MORN4: variants seen among roughly 807,000 people sequenced by gnomAD.
MORN4 encodes MORN repeat containing 4.
MORN4 carries 8 observed loss-of-function variants against 16.4 expected under a neutral mutation model. The observed-to-expected ratio is 0.49, with a 90% CI of 0.29 to 0.88. The LOEUF is 0.88. Among genes scored for constraint, MORN4 ranks in the 40% least tolerant of loss-of-function variants. MORN4 has a pLI of 0.09. For synonymous variants in MORN4, 53 were observed against 68.9 expected, an observed-to-expected ratio of 0.77 and a Z score of 1.14; for missense variants, 159 against 182.9, an observed-to-expected ratio of 0.87 and a Z score of 0.75.
intron 2 of MORN4, 177 bp downstream of exon 2, chr10:97,619,410 G>A: frequency 4.9e-6 from 3 of 616,550 alleles, no homozygotes; most frequent in East Asian, 5.5e-5. Flanking sequence ...ATTAACAATA[G>A]CATTTTCAAA....
At position 97,618,114 on chromosome 10, in the gene MORN4, GT is replaced by G. The variant is rs2041253837; in HGVS notation, c.68-793del. ...AATCGCTTGAACCTGGGAGGTGGAG[GT>G]TGCAGTGGGCCGAGATCATGCCATT... On this transcript the variant is annotated intron_variant, in intron 2 of 4. Transcript: ENST00000307450. Among the ~76,000 whole-genome samples, 7 of 152,084 alleles carry G rather than the reference GT, an allele frequency of 4.6e-5. No homozygotes were observed. In the South Asian group the frequency reaches 1.4e-3, roughly 31 times the overall value.
At chr10:97,631,887 T>C (rs753203130) in intron 1 of MORN4, among the ~76,000 whole-genome samples, 6 of 151,984 alleles carry the variant, frequency 3.9e-5, no homozygotes, top group Non-Finnish European at 8.8e-5. Context: ...GGGTGAGCAG[T>C]GACTGCACCA....
Position 97,616,418 on chromosome 10 carries a change from G to A in MORN4, c.293-7C>T. On this transcript the variant is annotated splice_region_variant and splice_polypyrimidine_tract_variant and intron_variant, in intron 4 of 4. Coordinates refer to ENST00000307450, the MANE Select transcript of MORN4 (RefSeq NM_178832.4). ...TCAGGGAAAGTCAGCAGGCCTTTGA[G>A]GAGGGCAGAGAAAATATGGGAGTGA... The A allele has an allele frequency of 6.3e-7, 1 of 1,590,186 alleles. No homozygotes were observed. The highest frequency in any genetic ancestry group is 1.4e-5 in the African/African-American group (1 of 74,028).
upstream of MORN4, chr10:97,633,629 G>A (rs2041417495): frequency 7.8e-7 from 1 of 1,285,748 alleles, no homozygotes; most frequent in Non-Finnish European, 1.0e-6. This position sits in a 1 kb window ranked among gnomAD's most constrained non-coding sequence, Gnocchi z 4.5. Flanking sequence ...GGCTGACTAT[G>A]TGAAAGAGGG....
Position 97,616,233 on chromosome 10 carries a change from A to C in MORN4, c.*30T>G. On this transcript the variant is annotated 3_prime_UTR_variant, in exon 5 of 5. Transcript: ENST00000307450. ...AACAACAGGGGCACTGGCTTTACCC[A>C]ATACTTATCAGCTGGTGCCCACTGC... 6.5e-7 allele frequency: 1 copy of C among 1,540,950 alleles called. No homozygotes were observed. The highest frequency in any genetic ancestry group is 8.7e-7 in the Non-Finnish European group (1 of 1,145,726).
chr10:97,615,200 G>A lies in MORN4; in HGVS notation c.*1063C>T, dbSNP rs556634104. ...AGCACTCTTACCGAATCCTTCACGG[G>A]GACATAGGCAGGAATGAATACCAGT... is the stretch of plus-strand genomic sequence containing the variant. On this transcript the variant is annotated 3_prime_UTR_variant, in exon 5 of 5. Coordinates refer to ENST00000307450, the MANE Select transcript of MORN4 (RefSeq NM_178832.4). 6.6e-6 allele frequency: 1 copy of A among 152,670 alleles called. No individual in the cohort carries two copies. Among genetic ancestry groups the A allele is most frequent in the African/African-American group, 2.4e-5 (1 of 41,528 alleles). The allele number at this position is 152,670 out of a possible 1,614,324, so 9.5% of individuals were successfully genotyped here.
At chr10:97,619,521 C>T (rs763606969) in intron 2 of MORN4, 66 bp downstream of exon 2, 1 of 1,171,690 alleles carries the variant, frequency 8.5e-7, no homozygotes, top group South Asian at 1.2e-5. Flanking sequence ...GGCTATATAT[C>T]CTGATGTATT....
intron 2 of MORN4, chr10:97,619,330 AAAAAC>A (rs922586842): frequency 2.3e-5 from 13 of 576,244 alleles, no homozygotes; most frequent in South Asian, 6.9e-5. Context: ...CCTCATCTCA[AAAAAC>A]AAAACAAAAC....
chr10:97,620,351 G>C (rs1241839821), intron 1 of MORN4, among the ~76,000 whole-genome samples: 1 of 151,770 alleles, frequency 6.6e-6, no homozygotes. Flanking sequence ...AGCTGGGCGT[G>C]GTGGCAGGAG....
At chr10:97,625,935 CTT>C (rs35039429) in intron 1 of MORN4, among the ~76,000 whole-genome samples, 1 of 152,132 alleles carries the variant, frequency 6.6e-6, no homozygotes, top group African/African-American at 2.4e-5. Flanking sequence ...GCCCAACTAA[CTT>C]TTTTGTAGAG....
intron 2 of MORN4, 149 bp downstream of exon 2, chr10:97,619,436 CTA>C (rs2041268336): frequency 3.0e-6 from 2 of 670,616 alleles, no homozygotes; most frequent in Non-Finnish European, 5.5e-6. Flanking sequence ...TTATTTAATC[CTA>C]AAATGGAATA....
At chr10:97,631,859 C>T (rs2041398557) in intron 1 of MORN4, among the ~76,000 whole-genome samples, 1 of 152,088 alleles carries the variant, frequency 6.6e-6, no homozygotes, top group Non-Finnish European at 1.5e-5. Context: ...TGCTTGAGCC[C>T]ACAATTTGAG....
intron 2 of MORN4, 33 bp downstream of exon 2, chr10:97,619,549 AGTGTT>A: frequency 7.0e-7 from 1 of 1,434,682 alleles, no homozygotes; most frequent in Non-Finnish European, 9.8e-7. Context: ...CAGCAAATGA[AGTGTT>A]CATCATGGAT....
intron 1 of MORN4, among the ~76,000 whole-genome samples, chr10:97,631,261 C>A (rs1191629873): frequency 6.6e-6 from 1 of 152,100 alleles, no homozygotes; most frequent in Non-Finnish European, 1.5e-5. Flanking sequence ...CCCATGGAAT[C>A]CAGTCACAAA....
At chr10:97,631,272 C>G (rs1210543314) in intron 1 of MORN4, among the ~76,000 whole-genome samples, 1 of 152,142 alleles carries the variant, frequency 6.6e-6, no homozygotes, top group African/African-American at 2.4e-5. Context: ...CAGTCACAAA[C>G]CAAGATGATT....
intron 1 of MORN4, among the ~76,000 whole-genome samples, chr10:97,630,507 C>A (rs1459511137): frequency 6.6e-6 from 1 of 152,200 alleles, no homozygotes; most frequent in Non-Finnish European, 1.5e-5. Context: ...ACTTCCATTC[C>A]ATTTTGACTT....
intron 3 of MORN4, 27 bp from the exon 4 acceptor site, chr10:97,616,814 T>C (rs2041240544): frequency 6.5e-7 from 1 of 1,528,506 alleles, no homozygotes; most frequent in Non-Finnish European, 9.1e-7. Flanking sequence ...AAGTTAGCCT[T>C]CAGTGGAAAG....
intron 1 of MORN4, among the ~76,000 whole-genome samples, chr10:97,626,315 T>C (rs968617346): frequency 6.6e-6 from 1 of 151,324 alleles, no homozygotes; most frequent in Non-Finnish European, 1.5e-5. Flanking sequence ...AGGTGGAGGT[T>C]GCAGTGAGCC....
intron 4 of MORN4, 77 bp from the exon 5 acceptor site, chr10:97,616,488 A>G (rs1332560223): frequency 6.7e-6 from 10 of 1,500,156 alleles, no homozygotes; most frequent in African/African-American, 1.4e-5. Flanking sequence ...TTTGGCCTTG[A>G]TATGTCCAGG....
Sources: allele counts gnomAD v4.1 joint callset (sites outside exome capture counted in the v4.1 genomes callset), GRCh38; gene constraint gnomAD v4.1.1; non-coding constraint Gnocchi (gnomAD v3.1); transcripts MANE v1.5; gene names NCBI Gene and HGNC (gene_info 2026-07-23, HGNC 2026-07-21).